Variants in FGF13 observed in about 807,000 individuals in gnomAD.
FGF13 encodes the protein fibroblast growth factor homologous factor 2.
In FGF13, 2 loss-of-function variants were observed where a neutral mutation model predicts 19.5. The observed-to-expected ratio is 0.10, with a 90% CI of 0.04 to 0.32. FGF13 has a LOEUF of 0.32. FGF13 is among the 10% of genes least tolerant of loss of function. The pLI, the probability that FGF13 is intolerant of heterozygous loss-of-function variation, is 1.00. For synonymous variants in FGF13, 72 were observed against 76.9 expected, an observed-to-expected ratio of 0.94 and a Z score of 0.33; for missense variants, 113 against 192.7, an observed-to-expected ratio of 0.59 and a Z score of 2.45.
rs962585556 is a variant in FGF13 at position 138,719,248 on chromosome X, G to GT, written c.29-10321dup. Among the ~76,000 whole-genome samples, 349 of 110,420 alleles carry GT rather than the reference G, an allele frequency of 3.2e-3. 2 individuals carry two copies. Among genetic ancestry groups the GT allele is most frequent in the Non-Finnish European group, 3.6e-3 (188 of 52,577 alleles). ...AAATATAGCATGATTTTTCTAATCA[G>GT]TTTTTTTTTCTTTAACAAAAGTGAA... On this transcript the variant is annotated intron_variant, in intron 1 of 4. Coordinates refer to the FGF13 transcript ENST00000305414.
chrX:139,007,944 T>C (rs1041622682), intron 1 of FGF13, among the ~76,000 whole-genome samples: 1 of 112,737 alleles, frequency 8.9e-6, no homozygotes, highest in East Asian at 2.8e-4. Context: ...ATAGACTCAG[T>C]GCTGTTGTGG....
At chrX:138,872,023 G>C (rs1371514913) in intron 1 of FGF13, among the ~76,000 whole-genome samples, 1 of 111,958 alleles carries the variant, frequency 8.9e-6, no homozygotes, top group Non-Finnish European at 1.9e-5. Context: ...TGGAAGCAGG[G>C]AGACTGGTTA....
At chrX:138,889,273 A>G (rs2091465402) in intron 1 of FGF13, among the ~76,000 whole-genome samples, 1 of 112,016 alleles carries the variant, frequency 8.9e-6, no homozygotes, top group African/African-American at 3.3e-5. Flanking sequence ...CAAAATATTT[A>G]TGTAATCAAC....
chrX:138,693,685 C>A (rs899770329), intron 3 of FGF13, among the ~76,000 whole-genome samples: 14 of 111,558 alleles, frequency 1.3e-4, no homozygotes, highest in African/African-American at 4.5e-4. Context: ...TTTAAATAAA[C>A]CAAATTCAAC....
chrX:138,748,377 T>C (rs1418378837), intron 3 of FGF13, among the ~76,000 whole-genome samples: 1 of 111,293 alleles, frequency 9.0e-6, no homozygotes, highest in Non-Finnish European at 1.9e-5. Context: ...GGTGTCCCTA[T>C]AAGCTGAAGA....
chrX:138,625,475 T>TATATATATAATATATATATATAC lies in FGF13; in HGVS notation c.*7352_*7374dup, dbSNP rs2089050799. ...AAAGAAAATTATATATATATACATA[T>TATATATATAATATATATATATAC]ATATATATAATATATATATATACAT... On this transcript the variant is annotated 3_prime_UTR_variant, in exon 5 of 5. Transcript: ENST00000315930. The TATATATATAATATATATATATAC allele has an allele frequency of 1.1e-5, 1 of 92,994 alleles. No individual in the cohort carries two copies. Among genetic ancestry groups the TATATATATAATATATATATATAC allele is most frequent in the Non-Finnish European group, 2.0e-5 (1 of 49,604 alleles). The allele number at this position is 92,994 out of a possible 1,213,427, so 7.7% of individuals were successfully genotyped here. A position where few individuals can be genotyped will look rare whatever the true frequency, so the allele number is the denominator to read the frequency against.
intron 3 of FGF13, among the ~76,000 whole-genome samples, chrX:138,837,427 G>A (rs991439501): frequency 1.8e-5 from 2 of 111,600 alleles, no homozygotes; most frequent in Non-Finnish European, 3.8e-5. Flanking sequence ...ATGGGGTTGG[G>A]GACCCACTTT....
Position 138,629,209 on chromosome X carries a change from A to C in FGF13, c.*3641T>G, listed in dbSNP as rs1396615467. 8.9e-6 allele frequency: 1 copy of C among 112,402 alleles called. No homozygotes were observed. The highest frequency in any genetic ancestry group is 1.9e-5 in the Non-Finnish European group (1 of 53,256). The allele number at this position is 112,402 out of a possible 1,213,427, so 9.3% of individuals were successfully genotyped here. A position where few individuals can be genotyped will look rare whatever the true frequency, so the allele number is the denominator to read the frequency against. On this transcript the variant is annotated 3_prime_UTR_variant, in exon 5 of 5. Transcript: ENST00000315930. The stretch of plus-strand genomic sequence containing the variant: ...GCTTGAGGACTACCACTCTACTGCA[A>C]TGTTAATAGACGCTCCATGAAAATG...
chrX:138,894,176 G>A (rs761092492), intron 1 of FGF13, among the ~76,000 whole-genome samples: 2 of 109,673 alleles, frequency 1.8e-5, no homozygotes, highest in African/African-American at 3.3e-5. Flanking sequence ...AAAATGCCCC[G>A]GGTCTCGGGG....
At chrX:139,119,814 C>T (rs2083664675) in intron 1 of FGF13, among the ~76,000 whole-genome samples, 1 of 112,783 alleles carries the variant, frequency 8.9e-6, no homozygotes, top group South Asian at 3.7e-4. Flanking sequence ...TTAATCCTAG[C>T]AACATCCCTA....
chrX:138,889,146 G>C (rs985768737), intron 1 of FGF13, among the ~76,000 whole-genome samples: 1 of 111,840 alleles, frequency 8.9e-6, no homozygotes, highest in Non-Finnish European at 1.9e-5. Context: ...GTGCAGAAGA[G>C]AGCAGGATAA....
intron 3 of FGF13, among the ~76,000 whole-genome samples, chrX:138,851,393 C>A (rs1468367696): frequency 9.0e-6 from 1 of 111,691 alleles, no homozygotes; most frequent in Non-Finnish European, 1.9e-5. Flanking sequence ...ACAGCCTTAC[C>A]ACCATCTGTT....
chrX:138,833,992 A>G (rs775124745), intron 3 of FGF13, among the ~76,000 whole-genome samples: 1 of 111,885 alleles, frequency 8.9e-6, no homozygotes, highest in Non-Finnish European at 1.9e-5. Flanking sequence ...CCAACCTTGC[A>G]TCCCAGATAT....
intron 3 of FGF13, among the ~76,000 whole-genome samples, chrX:138,784,783 T>G (rs942848304): frequency 9.0e-6 from 1 of 111,588 alleles, no homozygotes; most frequent in African/African-American, 3.3e-5. Context: ...TCCATTATAT[T>G]CACCATTTTC....
chrX:138,782,049 G>C (rs1317531109), intron 3 of FGF13, among the ~76,000 whole-genome samples: 4 of 111,420 alleles, frequency 3.6e-5, no homozygotes, highest in Non-Finnish European at 7.5e-5. Flanking sequence ...CAGAACCAAA[G>C]ACAAAAACCA....
chrX:139,080,280 C>A (rs1481036449), intron 1 of FGF13, among the ~76,000 whole-genome samples: 2 of 111,878 alleles, frequency 1.8e-5, no homozygotes, highest in Non-Finnish European at 3.8e-5. Flanking sequence ...CCATGCCAAT[C>A]TCTCTTGGTA....
rs756959789 is a variant in FGF13 at position 139,028,634 on chromosome X, A to AGTGT, written c.-112-163988_-112-163985dup. On this transcript the variant is annotated intron_variant, in intron 1 of 2. Coordinates refer to the FGF13 transcript ENST00000421460. ...GTGTGTGTGAGAGAGAGAGAGAGAGAGTGTGTGTGTGTGTGTGAGAGAGAG... is the reference window on the plus strand; with the variant it reads ...GTGTGTGTGAGAGAGAGAGAGAGAGAGTGTGTGTGTGTGTGTGTGTGAGAGAGAG... 3.8e-3 allele frequency among the ~76,000 whole-genome samples: 157 copies of AGTGT among 41,492 alleles called. 1 individual carries two copies. The highest frequency in any genetic ancestry group is 0.012 in the African/African-American group (148 of 12,082). 36.0% of individuals were successfully genotyped at this position (41,492 alleles called of 115,157 possible).
At chrX:138,890,983 G>C (rs967458984) in intron 1 of FGF13, among the ~76,000 whole-genome samples, 10 of 112,057 alleles carry the variant, frequency 8.9e-5, no homozygotes, top group Non-Finnish European at 1.7e-4. Context: ...AAATACCATA[G>C]ACTGAGTGGC....
rs963678137 is a variant in FGF13 at position 138,996,816 on chromosome X, C to T, written c.-112-132166G>A. Among the ~76,000 whole-genome samples, 56 of 112,315 alleles carry T rather than the reference C, an allele frequency of 5.0e-4. 1 individual carries two copies. The highest frequency in any genetic ancestry group is 1.6e-3 in the African/African-American group (50 of 30,867). On this transcript the variant is annotated intron_variant, in intron 1 of 2. Coordinates refer to the FGF13 transcript ENST00000421460. ...GAGAGCAGTGGTTCTCCCAGCACAG[C>T]GTTCGAGCTCTGATAACAGACAGAC...
Sources: allele counts gnomAD v4.1 joint callset (sites outside exome capture counted in the v4.1 genomes callset), GRCh38; gene constraint gnomAD v4.1.1; transcripts MANE v1.5; gene names NCBI Gene and HGNC (gene_info 2026-07-23, HGNC 2026-07-21).